Variants in AIM2 observed in about 807,000 individuals in gnomAD.
AIM2 encodes absent in melanoma 2.
A neutral mutation model predicts 27.7 loss-of-function variants in AIM2; 30 were observed. That is an observed-to-expected ratio of 1.08 (90% confidence interval 0.81 to 1.47). The LOEUF (loss-of-function observed/expected upper bound fraction) is 1.47, where lower values mean the gene tolerates loss of function less well. Among genes scored for constraint, AIM2 ranks in the 40% most tolerant of loss-of-function variants. AIM2 has a pLI of 0.00. For missense variants in AIM2, 358 were observed against 411.3 expected (o/e 0.87, Z 1.12); for synonymous variants, 141 against 145.3 (o/e 0.97, Z 0.21).
intron 1 of AIM2, among the ~76,000 whole-genome samples, chr1:159,121,741 A>G (rs1184727756): frequency 6.6e-6 from 1 of 152,194 alleles, no homozygotes; most frequent in Admixed American, 6.5e-5. Flanking sequence ...GAACTAAACA[A>G]GAAACTGATC....
chr1:159,071,535 G>A (rs1380868641), intron 2 of AIM2, among the ~76,000 whole-genome samples: 2 of 152,162 alleles, frequency 1.3e-5, no homozygotes, highest in African/African-American at 4.8e-5. Flanking sequence ...TTGAGACAGG[G>A]TCTCACTGTT....
intron 1 of AIM2, among the ~76,000 whole-genome samples, chr1:159,083,597 C>A (rs1445788792): frequency 2.0e-5 from 3 of 152,140 alleles, no homozygotes; most frequent in Non-Finnish European, 4.4e-5. Context: ...ATATTCTATA[C>A]CATTTAGCTC....
At position 159,102,463 on chromosome 1, in the gene AIM2, G is replaced by C. The variant is rs534666477; in HGVS notation, c.-15-36134C>G. The stretch of plus-strand genomic sequence containing the variant: ...TGGCTAGTGGAGCTGTGAGAAGAGG[G>C]CCACCGTCCTCCAGTCCCCAGAAAG... On this transcript the variant is annotated intron_variant, in intron 1 of 2. Transcript: ENST00000368129. Among the ~76,000 whole-genome samples, 11 of 152,322 alleles carry C rather than the reference G, an allele frequency of 7.2e-5. No homozygotes were observed. The East Asian group carries it at 1.9e-3, about 27-fold the overall frequency.
intron 1 of AIM2, among the ~76,000 whole-genome samples, chr1:159,115,019 A>G (rs1647295810): frequency 6.6e-6 from 1 of 152,220 alleles, no homozygotes; most frequent in East Asian, 1.9e-4. Flanking sequence ...AAAAATCACA[A>G]GCATTCTTAT....
intron 1 of AIM2, among the ~76,000 whole-genome samples, chr1:159,094,590 C>T (rs567067875): frequency 3.9e-5 from 6 of 152,094 alleles, no homozygotes; most frequent in Middle Eastern, 3.2e-3. Flanking sequence ...CCCTGCTACT[C>T]GGGAGGCTGA....
chr1:159,142,155 A>G (rs1432314629), upstream of AIM2, among the ~76,000 whole-genome samples: 1 of 152,162 alleles, frequency 6.6e-6, no homozygotes, highest in Non-Finnish European at 1.5e-5. Context: ...CCTCGATCCC[A>G]GAGACAAAGG....
upstream of AIM2, among the ~76,000 whole-genome samples, chr1:159,142,071 C>T (rs1032549639): frequency 1.3e-5 from 2 of 152,192 alleles, no homozygotes; most frequent in Non-Finnish European, 2.9e-5. Context: ...CACCCCCACT[C>T]CCTCACTGTG....
At chr1:159,127,181 A>G (rs1647716582) in intron 1 of AIM2, among the ~76,000 whole-genome samples, 1 of 152,224 alleles carries the variant, frequency 6.6e-6, no homozygotes, top group Non-Finnish European at 1.5e-5. Context: ...TGATGTTCTC[A>G]TTTTAAGCTG....
chr1:159,118,549 A>G (rs1399792665), intron 1 of AIM2, among the ~76,000 whole-genome samples: 1 of 152,174 alleles, frequency 6.6e-6, no homozygotes, highest in African/African-American at 2.4e-5. Context: ...TGACAGTTTT[A>G]TTTTAAAGGG....
At chr1:159,131,370 T>C (rs953562328) in intron 1 of AIM2, among the ~76,000 whole-genome samples, 4 of 152,152 alleles carry the variant, frequency 2.6e-5, no homozygotes, top group Admixed American at 6.5e-5. Context: ...TGTATACATA[T>C]GTGTGTGTAT....
intron 5 of AIM2, among the ~76,000 whole-genome samples, chr1:159,062,931 C>T (rs888846941): frequency 2.6e-5 from 4 of 152,154 alleles, no homozygotes; most frequent in South Asian, 2.1e-4. Context: ...AGGTCACATA[C>T]GCATATTTCT....
intron 1 of AIM2, among the ~76,000 whole-genome samples, chr1:159,101,133 C>T (rs1393798295): frequency 4.7e-5 from 7 of 149,982 alleles, no homozygotes; most frequent in African/African-American, 1.7e-4. Context: ...ATAAGCCCCA[C>T]GTGTTGTAGG....
intron 1 of AIM2, among the ~76,000 whole-genome samples, chr1:159,106,093 G>A (rs1172270659): frequency 2.6e-5 from 4 of 152,188 alleles, no homozygotes; most frequent in Admixed American, 6.5e-5. Flanking sequence ...CAGGTGCAGG[G>A]AGAGGCCAGG....
At chr1:159,068,118 G>GT (rs1271240662) in intron 3 of AIM2, among the ~76,000 whole-genome samples, 2 of 152,116 alleles carry the variant, frequency 1.3e-5, no homozygotes, top group Admixed American at 1.3e-4. Flanking sequence ...ACAAACCACA[G>GT]ACTCCCTCAC....
At chr1:159,082,194 T>C (rs1656793272) in intron 1 of AIM2, among the ~76,000 whole-genome samples, 1 of 152,146 alleles carries the variant, frequency 6.6e-6, no homozygotes, top group Non-Finnish European at 1.5e-5. Flanking sequence ...GTGGAGCAAT[T>C]CCTTTAACAT....
At position 159,104,695 on chromosome 1, in the gene AIM2, C is replaced by T. The variant is rs553353699; in HGVS notation, c.-16+35736G>A. On this transcript the variant is annotated intron_variant, in intron 1 of 2. Coordinates refer to the AIM2 transcript ENST00000368129. The stretch of plus-strand genomic sequence containing the variant: ...GATATATTAAATTGACTTCGTTCGT[C>T]TCTTTTTACTTTTTTGAGGTAGCTA... Among the ~76,000 whole-genome samples, 30 of 152,286 alleles carry T rather than the reference C, an allele frequency of 2.0e-4. 2 individuals are homozygous for T. The South Asian group carries it at 6.0e-3, about 30-fold the overall frequency.
At chr1:159,083,025 T>C (rs1399266483) in intron 1 of AIM2, among the ~76,000 whole-genome samples, 3 of 152,168 alleles carry the variant, frequency 2.0e-5, no homozygotes, top group Non-Finnish European at 4.4e-5. Context: ...CTGTTTTGGA[T>C]CTTTTAAAAG....
At chr1:159,096,850 TG>T (rs1432051281) in intron 1 of AIM2, among the ~76,000 whole-genome samples, 5 of 152,012 alleles carry the variant, frequency 3.3e-5, no homozygotes, top group South Asian at 4.2e-4. Flanking sequence ...ATGGGGGGAA[TG>T]GGGGGTATAC....
upstream of AIM2, among the ~76,000 whole-genome samples, chr1:159,144,650 T>A (rs1648171206): frequency 6.6e-6 from 1 of 152,214 alleles, no homozygotes; most frequent in African/African-American, 2.4e-5. Context: ...TCTGTATTGA[T>A]TTAATTCTCC....
Sources: allele counts gnomAD v4.1 joint callset (sites outside exome capture counted in the v4.1 genomes callset), GRCh38; gene constraint gnomAD v4.1.1; transcripts MANE v1.5; gene names NCBI Gene and HGNC (gene_info 2026-07-23, HGNC 2026-07-21).